Variants in DYNC1I1 observed in about 807,000 individuals in gnomAD.
DYNC1I1 encodes cytoplasmic dynein 1 intermediate chain 1.
A neutral mutation model predicts 86.6 loss-of-function variants in DYNC1I1; 43 were observed. The ratio of observed to expected loss-of-function variants is 0.50; its 90% CI spans 0.39 to 0.64. DYNC1I1 has a LOEUF of 0.64. Among genes scored for constraint, DYNC1I1 ranks in the 30% least tolerant of loss-of-function variants. DYNC1I1 has a pLI of 0.00. For synonymous variants in DYNC1I1, 262 were observed against 283.7 expected, an observed-to-expected ratio of 0.92 and a Z score of 0.77; for missense variants, 604 against 788.8, an observed-to-expected ratio of 0.77 and a Z score of 2.81.
At chr7:95,893,941 T>G (rs1226326289) in intron 6 of DYNC1I1, among the ~76,000 whole-genome samples, 1 of 152,080 alleles carries the variant, frequency 6.6e-6, no homozygotes, top group African/African-American at 2.4e-5. Flanking sequence ...TGAAAGAAAA[T>G]TTTGAAGTGA....
At chr7:95,928,139 A>G (rs1004887424) in intron 6 of DYNC1I1, among the ~76,000 whole-genome samples, 2 of 152,224 alleles carry the variant, frequency 1.3e-5, no homozygotes, top group South Asian at 4.1e-4. Flanking sequence ...CTGCCTCCCA[A>G]CTAGTACTGC....
intron 6 of DYNC1I1, among the ~76,000 whole-genome samples, chr7:95,947,581 C>T (rs1172727564): frequency 6.6e-6 from 1 of 152,122 alleles, no homozygotes; most frequent in Non-Finnish European, 1.5e-5. Context: ...GACCAGCTCT[C>T]CTCCATGTGT....
intron 6 of DYNC1I1, among the ~76,000 whole-genome samples, chr7:95,906,262 C>G (rs534697102): frequency 6.6e-6 from 1 of 152,320 alleles, no homozygotes; most frequent in Non-Finnish European, 1.5e-5. Flanking sequence ...CCACTTATAA[C>G]TGTGACCTTG....
intron 5 of DYNC1I1, among the ~76,000 whole-genome samples, chr7:95,863,339 T>A (rs536415661): frequency 6.6e-6 from 1 of 152,170 alleles, no homozygotes; most frequent in African/African-American, 2.4e-5. Flanking sequence ...TGTCAAGGGC[T>A]AGGCGAGGCG....
At chr7:95,817,563 T>G (rs1293473382) in intron 4 of DYNC1I1, among the ~76,000 whole-genome samples, 1 of 152,196 alleles carries the variant, frequency 6.6e-6, no homozygotes, top group East Asian at 1.9e-4. Flanking sequence ...ATATTTTAAT[T>G]TAGCCATTTT....
intron 14 of DYNC1I1, among the ~76,000 whole-genome samples, chr7:96,064,583 A>G (rs2116189073): frequency 6.6e-6 from 1 of 152,196 alleles, no homozygotes; most frequent in African/African-American, 2.4e-5. Context: ...AAGGTACCAA[A>G]GTGAGGGGAA....
intron 6 of DYNC1I1, among the ~76,000 whole-genome samples, chr7:95,931,942 G>A (rs1791910876): frequency 6.6e-6 from 1 of 152,138 alleles, no homozygotes; most frequent in African/African-American, 2.4e-5. Context: ...TTTCCAACAT[G>A]TCTGAAAGGT....
At chr7:96,074,872 T>C (rs538067157) in intron 14 of DYNC1I1, among the ~76,000 whole-genome samples, 72 of 152,340 alleles carry the variant, frequency 4.7e-4, no homozygotes, top group African/African-American at 1.7e-3. Flanking sequence ...CTTGATCTTA[T>C]TACTCTGGCC....
intron 10 of DYNC1I1, among the ~76,000 whole-genome samples, chr7:96,009,596 TAC>T (rs1794223699): frequency 6.6e-6 from 1 of 152,276 alleles, no homozygotes; most frequent in Non-Finnish European, 1.5e-5. Flanking sequence ...TCATAACAAA[TAC>T]AGTCTTTTCT....
intron 6 of DYNC1I1, among the ~76,000 whole-genome samples, chr7:95,879,176 A>G (rs1477310023): frequency 6.6e-6 from 1 of 152,228 alleles, no homozygotes; most frequent in Admixed American, 6.5e-5. Flanking sequence ...AGAGGTAGCT[A>G]TGTAACTATA....
intron 6 of DYNC1I1, among the ~76,000 whole-genome samples, chr7:95,903,148 C>G (rs1321235166): frequency 5.3e-5 from 8 of 152,268 alleles, no homozygotes; most frequent in African/African-American, 1.9e-4. Context: ...TTTACCCTCA[C>G]TAAGGAGAAA....
chr7:95,993,725 G>A (rs762851357), intron 9 of DYNC1I1, among the ~76,000 whole-genome samples: 1 of 152,064 alleles, frequency 6.6e-6, no homozygotes, highest in Non-Finnish European at 1.5e-5. Flanking sequence ...GATTTCTTTA[G>A]TTGAGGCTGC....
At chr7:95,853,373 C>T (rs1789631321) in intron 5 of DYNC1I1, among the ~76,000 whole-genome samples, 1 of 151,924 alleles carries the variant, frequency 6.6e-6, no homozygotes, top group African/African-American at 2.4e-5. Flanking sequence ...TTACCCTCTT[C>T]TTGCCCGTCT....
chr7:96,064,368 A>G (rs905107265), intron 14 of DYNC1I1, among the ~76,000 whole-genome samples: 8 of 152,018 alleles, frequency 5.3e-5, no homozygotes, highest in African/African-American at 1.7e-4. Context: ...TTTAATTTCC[A>G]TTGCTTTGTC....
intron 6 of DYNC1I1, among the ~76,000 whole-genome samples, chr7:95,941,179 C>A (rs1792204022): frequency 6.6e-6 from 1 of 152,174 alleles, no homozygotes; most frequent in African/African-American, 2.4e-5. Flanking sequence ...AGCGGAGTAC[C>A]CGGCTGTGTG....
At chr7:95,919,482 A>G (rs1791556995) in intron 6 of DYNC1I1, among the ~76,000 whole-genome samples, 2 of 152,188 alleles carry the variant, frequency 1.3e-5, no homozygotes, top group Admixed American at 1.3e-4. Context: ...GCTTCTTTTC[A>G]TGGCCACTTC....
chr7:95,867,088 C>G (rs1790034274), intron 5 of DYNC1I1, among the ~76,000 whole-genome samples: 1 of 152,310 alleles, frequency 6.6e-6, no homozygotes, highest in East Asian at 1.9e-4. Context: ...TCCCAAGCAG[C>G]CACATCCTAT....
intron 6 of DYNC1I1, among the ~76,000 whole-genome samples, chr7:95,915,429 C>T (rs934783199): frequency 3.3e-5 from 5 of 152,100 alleles, no homozygotes; most frequent in Non-Finnish European, 7.4e-5. Flanking sequence ...TTTTATAAAC[C>T]CAAATCATTG....
chr7:95,975,036 G>A (rs144299470), intron 6 of DYNC1I1, among the ~76,000 whole-genome samples: 3 of 152,268 alleles, frequency 2.0e-5, no homozygotes, highest in African/African-American at 7.2e-5. Context: ...AACTTGAAGC[G>A]GGATGTGGTT....
Sources: gnomAD v4.1 joint callset for allele counts (sites outside exome capture counted in the v4.1 genomes callset) on GRCh38, gnomAD v4.1.1 for gene constraint, MANE v1.5 for transcripts, NCBI Gene and HGNC (gene_info 2026-07-23, HGNC 2026-07-21) for gene names.